The following KPNA5 variants were observed in gnomAD, a reference collection of about 807,000 sequenced individuals.
KPNA5 encodes karyopherin subunit alpha 5.
KPNA5 carries 46 observed loss-of-function variants against 71.3 expected under a neutral mutation model. That is an observed-to-expected ratio of 0.65 (90% CI 0.51 to 0.83). KPNA5 has a LOEUF of 0.83. Among genes scored for constraint, KPNA5 ranks in the 40% least tolerant of loss-of-function variants. KPNA5 has a pLI of 0.00. For synonymous variants in KPNA5, 207 were observed against 201.4 expected (o/e 1.03, Z -0.24); for missense variants, 547 against 628.3 (o/e 0.87, Z 1.38).
At chr6:116,704,946 T>G in intron 6 of KPNA5, 126 bp from the exon 7 acceptor site, 1 of 612,986 alleles carries the variant, frequency 1.6e-6, no homozygotes, top group Non-Finnish European at 2.8e-6. Context: ...AAAGTTTTTC[T>G]TTTCTACTGT....
rs1583451783 is a variant in KPNA5, at chr6:116,732,094, ATATATATATATATATATATATAT to A, written c.1433-41_1433-19del. 4.8e-5 allele frequency: 4 copies of A among 84,090 alleles called. No homozygotes were observed. The East Asian group carries it at 2.0e-3, about 42-fold the overall frequency. 5.2% of individuals were successfully genotyped at this position (84,090 alleles called of 1,614,324 possible). A position where few individuals can be genotyped will look rare whatever the true frequency, so the allele number is the denominator to read the frequency against. On this transcript the variant is annotated intron_variant, in intron 13 of 13. Transcript: ENST00000368564. Reference sequence around the variant, plus strand: ...TTTGTTTATATATATATATATATATATATATATATATATATATATATATATATACTTTGTATAACAGGTCTGGA... The same window carrying A: ...TTTGTTTATATATATATATATATATAATATACTTTGTATAACAGGTCTGGA...
At position 116,738,645 on chromosome 6, in the gene KPNA5, A is replaced by C. The variant is rs1254220937; in HGVS notation, c.*6322A>C. On this transcript the variant is annotated 3_prime_UTR_variant, in exon 14 of 14. Transcript: ENST00000368564. ...AATCCAGCAGCACATCAAAAAGCTT[A>C]TCCACCATGATCAAGTGGGCTTCAT... The C allele has an allele frequency of 6.6e-6, 1 of 151,774 alleles. No individual in the cohort carries two copies. Among genetic ancestry groups the C allele is most frequent in the African/African-American group, 2.4e-5 (1 of 41,380 alleles). 9.4% of individuals were successfully genotyped at this position (151,774 alleles called of 1,614,324 possible). A position where few individuals can be genotyped will look rare whatever the true frequency, so the allele number is the denominator to read the frequency against.
At chr6:116,693,131 A>G (rs1416947637) in intron 4 of KPNA5, among the ~76,000 whole-genome samples, 2 of 152,100 alleles carry the variant, frequency 1.3e-5, no homozygotes, top group Non-Finnish European at 2.9e-5. Flanking sequence ...AATCCAGTCT[A>G]TCATTGTTGG....
chr6:116,718,919 C>T (rs1023488645), intron 8 of KPNA5, among the ~76,000 whole-genome samples: 1 of 152,046 alleles, frequency 6.6e-6, no homozygotes, highest in Non-Finnish European at 1.5e-5. Context: ...AGACACCTGC[C>T]ACCATGCCTG....
At chr6:116,723,733 C>G (rs997445174) in intron 9 of KPNA5, among the ~76,000 whole-genome samples, 1 of 152,074 alleles carries the variant, frequency 6.6e-6, no homozygotes, top group Non-Finnish European at 1.5e-5. Context: ...ACCAATACTT[C>G]AGATAATAAG....
intron 7 of KPNA5, among the ~76,000 whole-genome samples, chr6:116,714,856 A>G (rs1489047056): frequency 6.6e-6 from 1 of 152,172 alleles, no homozygotes; most frequent in Non-Finnish European, 1.5e-5. Flanking sequence ...ACAGACAAAC[A>G]CAATTTCTTG....
chr6:116,694,045 G>T (rs1431541565), intron 4 of KPNA5, among the ~76,000 whole-genome samples: 1 of 152,210 alleles, frequency 6.6e-6, no homozygotes, highest in Non-Finnish European at 1.5e-5. Context: ...TCAGATAGTT[G>T]TAGATACGTG....
intron 1 of KPNA5, among the ~76,000 whole-genome samples, chr6:116,686,128 C>A (rs1469800205): frequency 6.6e-6 from 1 of 152,066 alleles, no homozygotes; most frequent in African/African-American, 2.4e-5. Context: ...TGGTCTTGAA[C>A]TCCTGAGCTC....
Position 116,722,123 on chromosome 6 carries a change from C to T in KPNA5, c.757-3C>T. 1 of 1,541,768 alleles carries T rather than the reference C, an allele frequency of 6.5e-7. No individual in the cohort carries two copies. Among genetic ancestry groups the T allele is most frequent in the African/African-American group, 1.4e-5 (1 of 73,390 alleles). On this transcript the variant is annotated splice_region_variant and splice_polypyrimidine_tract_variant and intron_variant, in intron 8 of 13. Transcript: ENST00000368564. ...TTTAAATATGCTCTTTCTTCCCTTA[C>T]AGGTTTCACCTTGCTTAAATGTCCT...
chr6:116,691,468 T>C (rs1417744734), intron 2 of KPNA5, among the ~76,000 whole-genome samples: 2 of 152,150 alleles, frequency 1.3e-5, no homozygotes, highest in Non-Finnish European at 2.9e-5. Flanking sequence ...TGGTTGAATC[T>C]GGGAATGTGG....
In KPNA5 at chr6:116,736,990, T is replaced by A. The variant is rs1036845342; in HGVS notation, c.*4667T>A. 1 of 152,018 alleles carries A rather than the reference T, an allele frequency of 6.6e-6. No homozygotes were observed. Among genetic ancestry groups the A allele is most frequent in the African/African-American group, 2.4e-5 (1 of 41,432 alleles). The allele number at this position is 152,018 out of a possible 1,614,324, so 9.4% of individuals were successfully genotyped here. A position where few individuals can be genotyped will look rare whatever the true frequency, so the allele number is the denominator to read the frequency against. The stretch of plus-strand genomic sequence containing the variant: ...AAGTATAATAGCTGTTTGAATGGCC[T>A]TGCTACTAATTCTGTCATTTCTTGC... On this transcript the variant is annotated 3_prime_UTR_variant, in exon 14 of 14. Coordinates refer to ENST00000368564, the MANE Select transcript of KPNA5 (RefSeq NM_001366306.2).
rs554831583 is a variant in KPNA5, at chr6:116,708,575, GA to G, written c.656+3418del. Among the ~76,000 whole-genome samples, 467 of 152,190 alleles carry G rather than the reference GA, an allele frequency of 3.1e-3. 4 individuals carry two copies. The highest frequency in any genetic ancestry group is 0.011 in the African/African-American group (448 of 41,512). ...TAAGGCTTCCAATTCATGAACCTGG[GA>G]AATCTTTTAATTAATTAAGGTCTTT... On this transcript the variant is annotated intron_variant, in intron 7 of 13. Coordinates refer to ENST00000368564, the MANE Select transcript of KPNA5 (RefSeq NM_001366306.2).
intron 12 of KPNA5, among the ~76,000 whole-genome samples, chr6:116,726,972 C>T (rs745845512): frequency 6.6e-6 from 1 of 151,966 alleles, no homozygotes; most frequent in Non-Finnish European, 1.5e-5. Context: ...ATTTGAATAT[C>T]CACTTACTTT....
At chr6:116,731,516 T>TA (rs1264999344) in intron 13 of KPNA5, among the ~76,000 whole-genome samples, 2 of 152,156 alleles carry the variant, frequency 1.3e-5, no homozygotes, top group African/African-American at 2.4e-5. Flanking sequence ...TACCCAGACT[T>TA]ACGTGTAGAG....
intron 4 of KPNA5, among the ~76,000 whole-genome samples, chr6:116,696,524 C>G (rs1304440744): frequency 6.6e-6 from 1 of 152,164 alleles, no homozygotes; most frequent in East Asian, 1.9e-4. Flanking sequence ...TTTTACTCCT[C>G]TGACTTAAGT....
chr6:116,721,405 G>A (rs1779101410), intron 8 of KPNA5, among the ~76,000 whole-genome samples: 1 of 151,600 alleles, frequency 6.6e-6, no homozygotes, highest in African/African-American at 2.4e-5. Context: ...TACCCGCCTC[G>A]GCCTCCCAAA....
rs866216205 is a variant in KPNA5, at chr6:116,712,017, C to T, written c.657-4202C>T. Among the ~76,000 whole-genome samples, 6 of 152,292 alleles carry T rather than the reference C, an allele frequency of 3.9e-5. No homozygotes were observed. The Middle Eastern group carries it at 0.014, about 345-fold the overall frequency. ...GGAGTGCAGTGGTGCAGCCTCGGCT[C>T]ATTGAACCTCCGCCCCCAGGTTTAA... On this transcript the variant is annotated intron_variant, in intron 7 of 13. Transcript: ENST00000368564.
intron 1 of KPNA5, among the ~76,000 whole-genome samples, chr6:116,684,491 C>T (rs1448558799): frequency 4.6e-5 from 7 of 152,096 alleles, no homozygotes; most frequent in Admixed American, 2.0e-4. Context: ...ATGAATAAAC[C>T]GAGTGGCCTG....
Position 116,733,487 on chromosome 6 carries a change from G to A in KPNA5, c.*1164G>A, listed in dbSNP as rs1779565920. On this transcript the variant is annotated 3_prime_UTR_variant, in exon 14 of 14. Coordinates refer to ENST00000368564, the MANE Select transcript of KPNA5 (RefSeq NM_001366306.2). Reference sequence around the variant, plus strand: ...ATTCTGCTGCTTGTTATGAATCATAGATTACATTCATGTCAGATTGATCAA... The same window carrying A: ...ATTCTGCTGCTTGTTATGAATCATAAATTACATTCATGTCAGATTGATCAA... 1 of 151,432 alleles carries A rather than the reference G, an allele frequency of 6.6e-6. No individual in the cohort carries two copies. The highest frequency in any genetic ancestry group is 2.4e-5 in the African/African-American group (1 of 41,312). The allele number at this position is 151,432 out of a possible 1,614,324, so 9.4% of individuals were successfully genotyped here. A position where few individuals can be genotyped will look rare whatever the true frequency, so the allele number is the denominator to read the frequency against.
Sources: allele counts gnomAD v4.1 joint callset (sites outside exome capture counted in the v4.1 genomes callset), GRCh38; gene constraint gnomAD v4.1.1; transcripts MANE v1.5; gene names NCBI Gene and HGNC (gene_info 2026-07-23, HGNC 2026-07-21).